Variants in ZDHHC7 observed in about 807,000 individuals in gnomAD.
The protein encoded by ZDHHC7 is palmitoyltransferase ZDHHC7.
A neutral mutation model predicts 34.1 loss-of-function variants in ZDHHC7; 12 were observed. The observed-to-expected ratio is 0.35, with a 90% confidence interval of 0.23 to 0.57. The LOEUF (loss-of-function observed/expected upper bound fraction) is 0.57, where lower values mean the gene tolerates loss of function less well. Ranked by LOEUF, ZDHHC7 falls within the 20% of genes least tolerant of loss-of-function variation. The pLI, the probability that ZDHHC7 is intolerant of heterozygous loss-of-function variation, is 0.84. For missense variants in ZDHHC7, 388 were observed against 402.7 expected, an observed-to-expected ratio of 0.96 and a Z score of 0.31; for synonymous variants, 185 against 155.4, an observed-to-expected ratio of 1.19 and a Z score of -1.42.
chr16:85,006,427 G>C (rs879772697), intron 1 of ZDHHC7, among the ~76,000 whole-genome samples: 4 of 152,038 alleles, frequency 2.6e-5, no homozygotes, highest in African/African-American at 7.2e-5. Context: ...ATAATATATA[G>C]GGCCAGGTGC....
In ZDHHC7 at chr16:84,974,387, T is replaced by TG. The variant is rs1460323970; in HGVS notation, c.*1955dup. On this transcript the variant is annotated 3_prime_UTR_variant, in exon 8 of 8. Coordinates refer to ENST00000313732, the MANE Select transcript of ZDHHC7 (RefSeq NM_017740.3). ...GGGAGTGACCTTAACAGCCTGGGGC[T>TG]GGGCCCACGAAGCACGGAAAGGCAC... 1.3e-5 allele frequency: 2 copies of TG among 152,180 alleles called. No individual in the cohort carries two copies. The highest frequency in any genetic ancestry group is 2.4e-5 in the African/African-American group (1 of 41,434). The allele number at this position is 152,180 out of a possible 1,614,324, so 9.4% of individuals were successfully genotyped here. A position where few individuals can be genotyped will look rare whatever the true frequency, so the allele number is the denominator to read the frequency against.
chr16:84,984,141 T>C (rs1039498628), intron 3 of ZDHHC7, among the ~76,000 whole-genome samples: 1 of 151,276 alleles, frequency 6.6e-6, no homozygotes, highest in African/African-American at 2.4e-5. Flanking sequence ...TGCCTCAGCC[T>C]ACCAAGTAGC....
chr16:84,988,641 A>T, intron 3 of ZDHHC7: 1 of 820,858 alleles, frequency 1.2e-6, no homozygotes, highest in Non-Finnish European at 2.0e-6. Context: ...TGGACTGCTG[A>T]GTAGCTGTAG....
chr16:85,024,506 A>C, the ZDHHC7 span, among the ~76,000 whole-genome samples: 7 of 152,158 alleles, frequency 4.6e-5, no homozygotes, highest in Non-Finnish European at 8.8e-5. Flanking sequence ...GCTGGGATTA[A>C]AGGCGTGAGC....
intron 7 of ZDHHC7, 104 bp downstream of exon 7, chr16:84,976,991 C>G: frequency 6.6e-7 from 1 of 1,509,078 alleles, no homozygotes; most frequent in Non-Finnish European, 8.9e-7. Context: ...CGTCCCATTA[C>G]GTTCCCGAGT....
intron 3 of ZDHHC7, among the ~76,000 whole-genome samples, chr16:84,988,311 A>T (rs1357433519): frequency 6.6e-6 from 1 of 152,050 alleles, no homozygotes; most frequent in African/African-American, 2.4e-5. Context: ...GAGGTGATAA[A>T]AATGTCCTAA....
In ZDHHC7 at chr16:84,975,061, C is replaced by T. The variant is rs2072276867; in HGVS notation, c.*1282G>A. 6.5e-6 allele frequency: 1 copy of T among 152,684 alleles called. No individual in the cohort carries two copies. The highest frequency in any genetic ancestry group is 1.5e-5 in the Non-Finnish European group (1 of 68,060). 9.5% of individuals were successfully genotyped at this position (152,684 alleles called of 1,614,324 possible). ...TGCGTCCGGCAAAAAATGTACAAAC[C>T]AGGCAAGTTTAAGGCAAGGCCCCAC... On this transcript the variant is annotated 3_prime_UTR_variant, in exon 8 of 8. Coordinates refer to ENST00000313732, the MANE Select transcript of ZDHHC7 (RefSeq NM_017740.3).
intron 5 of ZDHHC7, among the ~76,000 whole-genome samples, chr16:84,978,824 T>C (rs6564088): frequency 0.54 from 79,014 of 147,366 alleles, 21,380 homozygotes; most frequent in Middle Eastern, 0.65. Context: ...ATCACACCAC[T>C]GCACTCCAGC....
chr16:85,001,147 C>T (rs541688393), intron 1 of ZDHHC7, among the ~76,000 whole-genome samples: 116 of 152,242 alleles, frequency 7.6e-4, no homozygotes, highest in African/African-American at 2.7e-3. Context: ...GAATGGGAGG[C>T]ACCAGACCTT....
chr16:85,001,291 C>T (rs1040001262), intron 1 of ZDHHC7, among the ~76,000 whole-genome samples: 4 of 151,808 alleles, frequency 2.6e-5, no homozygotes, highest in Non-Finnish European at 5.9e-5. Flanking sequence ...GCCAACACGG[C>T]GAAACCCCGT....
chr16:84,974,886 G>T lies in ZDHHC7; in HGVS notation c.*1457C>A, dbSNP rs112925578. 6.6e-6 allele frequency: 1 copy of T among 152,630 alleles called. No homozygotes were observed. Among genetic ancestry groups the T allele is most frequent in the African/African-American group, 2.4e-5 (1 of 41,428 alleles). 9.5% of individuals were successfully genotyped at this position (152,630 alleles called of 1,614,324 possible). A position where few individuals can be genotyped will look rare whatever the true frequency, so the allele number is the denominator to read the frequency against. On this transcript the variant is annotated 3_prime_UTR_variant, in exon 8 of 8. Transcript: ENST00000313732. Reference sequence around the variant, plus strand: ...TCAGCAGTGGTAGAAGCCCTGATTCGGATGGGGTACAGAGTAATTAAAAAC... The same window carrying T: ...TCAGCAGTGGTAGAAGCCCTGATTCTGATGGGGTACAGAGTAATTAAAAAC...
chr16:85,004,209 G>A (rs1267452056), intron 1 of ZDHHC7, among the ~76,000 whole-genome samples: 1 of 150,748 alleles, frequency 6.6e-6, no homozygotes, highest in Non-Finnish European at 1.5e-5. Context: ...AAAAGGCCCC[G>A]CCCTTCATGT....
chr16:84,980,220 C>T (rs2072350205), intron 4 of ZDHHC7, among the ~76,000 whole-genome samples: 1 of 151,500 alleles, frequency 6.6e-6, no homozygotes, highest in Non-Finnish European at 1.5e-5. Flanking sequence ...CCACCCCGGC[C>T]TCCCAAAGTG....
At chr16:84,999,731 G>A (rs1351423645) in intron 1 of ZDHHC7, among the ~76,000 whole-genome samples, 1 of 152,170 alleles carries the variant, frequency 6.6e-6, no homozygotes, top group African/African-American at 2.4e-5. Context: ...AGAGGGCCAA[G>A]GTAACATTGT....
chr16:84,976,439 C>T lies in ZDHHC7; in HGVS notation c.831G>A (p.Gly277=), dbSNP rs781180369. 1.3e-5 allele frequency: 21 copies of T among 1,613,828 alleles called. No homozygotes were observed. Among genetic ancestry groups the T allele is most frequent in the Non-Finnish European group, 1.7e-5 (20 of 1,179,962 alleles). Residue 277 remains glycine, a synonymous_variant, in exon 8 of 8, where the codon GGG becomes GGA. Transcript: ENST00000313732. ...RWEGMKSVFG[G]PPSLLWMNPF... ...GATTCATCCAGAGGAGTGAGGGGGG[C>T]CCCCCAAAGACGGACTTCATCCCTT... is the stretch of plus-strand genomic sequence containing the variant.
the ZDHHC7 span, among the ~76,000 whole-genome samples, chr16:85,026,001 T>C: frequency 6.6e-6 from 1 of 152,344 alleles, no homozygotes; most frequent in Admixed American, 6.5e-5. Context: ...ACTTTCTTCC[T>C]CTTTTAAAAA....
chr16:85,014,608 G>A (rs1481678682), upstream of ZDHHC7, among the ~76,000 whole-genome samples: 1 of 152,180 alleles, frequency 6.6e-6, no homozygotes, highest in Non-Finnish European at 1.5e-5. Context: ...GTAAGAAGTG[G>A]AAGTTGCAAA....
chr16:84,981,253 G>A (rs2072363846), intron 4 of ZDHHC7, among the ~76,000 whole-genome samples: 1 of 152,206 alleles, frequency 6.6e-6, no homozygotes. Flanking sequence ...TGAGGGCCAG[G>A]AAGGCTACTT....
intron 3 of ZDHHC7, among the ~76,000 whole-genome samples, chr16:84,982,324 G>GA (rs1289054795): frequency 1.4e-5 from 2 of 147,064 alleles, no homozygotes; most frequent in Non-Finnish European, 3.0e-5. Flanking sequence ...CAACCTGGGC[G>GA]ACAGGGCAAG....
Sources: allele counts gnomAD v4.1 joint callset (sites outside exome capture counted in the v4.1 genomes callset), GRCh38; gene constraint gnomAD v4.1.1; transcripts MANE v1.5; gene names NCBI Gene and HGNC (gene_info 2026-07-23, HGNC 2026-07-21).